RTN4: variants seen among roughly 807,000 people sequenced by gnomAD.
RTN4 encodes reticulon 4.
In RTN4, 32 loss-of-function variants were observed where a neutral mutation model predicts 90.4. That is an observed-to-expected ratio of 0.35 (90% CI 0.27 to 0.48). RTN4 has a LOEUF of 0.48. Among genes scored for constraint, RTN4 ranks in the 20% least tolerant of loss-of-function variants. The pLI, the probability that RTN4 is intolerant of heterozygous loss-of-function variation, is 0.99. For missense variants in RTN4, 1,706 were observed against 1,430.2 expected, an observed-to-expected ratio of 1.19 and a Z score of -3.11; for synonymous variants, 629 against 552.5, an observed-to-expected ratio of 1.14 and a Z score of -1.94.
In RTN4 at chr2:55,058,885, A is replaced by G. The variant is rs138630150; in HGVS notation, c.-63+21604T>C. ...TTGATAATTTTTTTTTTAAATTATA[A>G]TAATAGAGAGGAGGGTCTCACTGTG... On this transcript the variant is annotated intron_variant, in intron 2 of 3. Coordinates refer to the RTN4 transcript ENST00000427710. Among the ~76,000 whole-genome samples, 10 of 152,132 alleles carry G rather than the reference A, an allele frequency of 6.6e-5. No individual in the cohort carries two copies. In the East Asian group the frequency reaches 1.9e-3, roughly 29 times the overall value.
At chr2:55,054,613 C>T (rs1448607668), upstream of RTN4, among the ~76,000 whole-genome samples, 1 of 152,130 alleles carries the variant, frequency 6.6e-6, no homozygotes, top group Non-Finnish European at 1.5e-5. Context: ...CTCTTGCCTA[C>T]ATATAGCAGG....
chr2:54,994,528 CCCTTTCAA>C (rs1160703407), intron 3 of RTN4, among the ~76,000 whole-genome samples: 11 of 152,242 alleles, frequency 7.2e-5, no homozygotes, highest in African/African-American at 2.4e-4. Context: ...AACTCCAACA[CCCTTTCAA>C]GATAAAACAT....
chr2:55,041,342 T>C (rs1683060238), intron 1 of RTN4, among the ~76,000 whole-genome samples: 2 of 152,032 alleles, frequency 1.3e-5, no homozygotes, highest in South Asian at 4.1e-4. Flanking sequence ...AATTAATCCA[T>C]AAATGTAATG....
At chr2:55,008,035 A>G (rs1046174610) in intron 3 of RTN4, among the ~76,000 whole-genome samples, 2 of 152,064 alleles carry the variant, frequency 1.3e-5, no homozygotes, top group South Asian at 2.1e-4. Context: ...GTCATTTGTC[A>G]TAAGTATCCT....
intron 1 of RTN4, 145 bp downstream of exon 1, chr2:55,049,600 A>G (rs1198633114): frequency 1.8e-5 from 25 of 1,372,622 alleles, no homozygotes; most frequent in Non-Finnish European, 2.5e-5. Context: ...CGCGCTTCCA[A>G]CCAGACGGGG....
At chr2:54,979,035 A>G (rs948248772) in intron 5 of RTN4, among the ~76,000 whole-genome samples, 1 of 151,864 alleles carries the variant, frequency 6.6e-6, no homozygotes, top group Non-Finnish European at 1.5e-5. Context: ...AAGGAACTTA[A>G]GATTAAGATT....
At chr2:55,051,187 G>C (rs1170653408), upstream of RTN4, among the ~76,000 whole-genome samples, 2 of 152,292 alleles carry the variant, frequency 1.3e-5, no homozygotes, top group East Asian at 3.9e-4. Context: ...TAGGGATCTG[G>C]GGCCGACCAT....
At chr2:55,018,582 G>T (rs937935397) in intron 3 of RTN4, among the ~76,000 whole-genome samples, 3 of 151,800 alleles carry the variant, frequency 2.0e-5, no homozygotes, top group African/African-American at 7.3e-5. Flanking sequence ...ACTCTTATAG[G>T]TGTATTAAAG....
chr2:55,107,424 G>GGAAA (rs1426735780), intron 1 of RTN4, among the ~76,000 whole-genome samples: 5 of 113,234 alleles, frequency 4.4e-5, no homozygotes, highest in African/African-American at 1.7e-4. Context: ...AAAAAAAAAA[G>GGAAA]GAAAGAAAGA....
the RTN4 span, among the ~76,000 whole-genome samples, chr2:55,130,347 T>A: frequency 6.6e-6 from 1 of 152,188 alleles, no homozygotes; most frequent in Admixed American, 6.5e-5. Flanking sequence ...TAAATAGAAA[T>A]ACATCTGGAA....
At chr2:55,041,565 A>C (rs1244080401) in intron 1 of RTN4, among the ~76,000 whole-genome samples, 1 of 152,070 alleles carries the variant, frequency 6.6e-6, no homozygotes, top group African/African-American at 2.4e-5. Flanking sequence ...CCCATACTAC[A>C]AGAATATGAC....
At chr2:55,093,464 A>G (rs567340870) in intron 1 of RTN4, among the ~76,000 whole-genome samples, 7 of 151,794 alleles carry the variant, frequency 4.6e-5, no homozygotes, top group Admixed American at 3.9e-4. Flanking sequence ...AGTATTCTTC[A>G]TTCTCCTGTT....
intron 1 of RTN4, chr2:55,112,390 C>G (rs556723588): frequency 9.2e-5 from 14 of 152,434 alleles, no homozygotes; most frequent in Admixed American, 2.6e-4. Flanking sequence ...TGAGCCCAGA[C>G]TGTGGGGTTA....
chr2:55,029,355 T>C (rs1485425425), intron 1 of RTN4, among the ~76,000 whole-genome samples: 1 of 152,186 alleles, frequency 6.6e-6, no homozygotes, highest in Non-Finnish European at 1.5e-5. Flanking sequence ...ATTGGTAATA[T>C]TAACTTTGTA....
chr2:55,049,042 T>C (rs1667940041), intron 1 of RTN4: 2 of 942,656 alleles, frequency 2.1e-6, no homozygotes, highest in South Asian at 4.9e-5. Context: ...GCAGTCCACA[T>C]CACACCCCGG....
chr2:55,102,618 C>A (rs1401753164), intron 1 of RTN4, among the ~76,000 whole-genome samples: 1 of 151,994 alleles, frequency 6.6e-6, no homozygotes, highest in African/African-American at 2.4e-5. Flanking sequence ...TGACACATGG[C>A]CAACTGCCAG....
Position 54,982,523 on chromosome 2 carries a change from A to AG in RTN4, c.3351_3352insC (p.Ser1118LeufsTer19). The AG allele has an allele frequency of 6.2e-7, 1 of 1,609,180 alleles. No homozygotes were observed. The highest frequency in any genetic ancestry group is 8.5e-7 in the Non-Finnish European group (1 of 1,178,772). On this transcript the variant is annotated frameshift_variant, in exon 5 of 9. Coordinates refer to ENST00000337526, the MANE Select transcript of RTN4 (RefSeq NM_020532.5). LOFTEE classifies it high-confidence loss of function. The stretch of plus-strand genomic sequence containing the variant: ...AGGCAAAATAAACTTACCTTCAGAG[A>AG]ATCAACTAAATCATCAACTAAGAAG...
chr2:55,012,235 T>G (rs968343859), intron 3 of RTN4, among the ~76,000 whole-genome samples: 6 of 152,194 alleles, frequency 3.9e-5, no homozygotes, highest in African/African-American at 9.7e-5. Context: ...GAAAAAAGTC[T>G]GAGAGGGGCA....
upstream of RTN4, chr2:55,112,697 G>C (rs2105069367): frequency 6.6e-6 from 1 of 152,428 alleles, no homozygotes; most frequent in East Asian, 1.9e-4. Flanking sequence ...CTCGAGCATA[G>C]CCATGAACAG....
Sources: gnomAD v4.1 joint callset for allele counts (sites outside exome capture counted in the v4.1 genomes callset) on GRCh38, gnomAD v4.1.1 for gene constraint, MANE v1.5 for transcripts, NCBI Gene and HGNC (gene_info 2026-07-23, HGNC 2026-07-21) for gene names.